KSR2: variants seen among roughly 807,000 people sequenced by gnomAD.
The protein encoded by KSR2 is kinase suppressor of ras 2.
In KSR2, 25 loss-of-function variants were observed where a neutral mutation model predicts 107.8. The observed-to-expected ratio is 0.23, with a 90% confidence interval of 0.17 to 0.32. The LOEUF (loss-of-function observed/expected upper bound fraction) is 0.32. Among genes scored for constraint, KSR2 ranks in the 10% least tolerant of loss-of-function variants. The probability of loss-of-function intolerance (pLI) is 1.00; values close to 1 mark genes in which losing one functional copy is unlikely to be tolerated. For missense variants in KSR2, 887 were observed against 1,268.9 expected (o/e 0.70, Z 4.57); for synonymous variants, 480 against 507.0 (o/e 0.95, Z 0.71).
intron 5 of KSR2, among the ~76,000 whole-genome samples, chr12:117,639,657 T>TATA (rs1565939365): frequency 8.5e-6 from 1 of 117,310 alleles, no homozygotes; most frequent in East Asian, 2.1e-4. Flanking sequence ...TTATTATTAT[T>TATA]ATATTATTTT....
intron 4 of KSR2, chr12:117,677,116 G>A (rs1565956465): frequency 6.6e-6 from 1 of 152,184 alleles, no homozygotes; most frequent in Non-Finnish European, 1.5e-5. Flanking sequence ...GAGAAAAGGT[G>A]TGCAAGGAAT....
At chr12:117,925,379 C>G (rs963217683) in intron 1 of KSR2, among the ~76,000 whole-genome samples, 2 of 152,162 alleles carry the variant, frequency 1.3e-5, no homozygotes, top group African/African-American at 4.8e-5. Flanking sequence ...CCACCTCAGC[C>G]TCCCAAACTG....
intron 5 of KSR2, among the ~76,000 whole-genome samples, chr12:117,604,618 T>A (rs544411113): frequency 1.6e-4 from 25 of 152,272 alleles, no homozygotes; most frequent in Non-Finnish European, 3.5e-4. Flanking sequence ...AGGGGGATCC[T>A]CTCCATCTAC....
intron 4 of KSR2, among the ~76,000 whole-genome samples, chr12:117,710,649 A>T (rs1195775229): frequency 6.6e-6 from 1 of 152,196 alleles, no homozygotes; most frequent in Non-Finnish European, 1.5e-5. Flanking sequence ...CAGTTTCTTC[A>T]TCGGTGCCTT....
intron 4 of KSR2, among the ~76,000 whole-genome samples, chr12:117,729,208 A>C (rs1441923865): frequency 6.6e-6 from 1 of 151,620 alleles, no homozygotes; most frequent in African/African-American, 2.4e-5. Flanking sequence ...CCTAACATTG[A>C]GGGTGATGCT....
rs560192323 is a variant in KSR2, at chr12:117,852,457, G to A, written c.472+2971C>T. ...ATAAATAAATAAATAAATAAAAATC[G>A]GAGCACCAGAACTTTCATGGTCTCG... On this transcript the variant is annotated intron_variant, in intron 3 of 19. Coordinates refer to ENST00000339824, the MANE Select transcript of KSR2 (RefSeq NM_173598.6). Among the ~76,000 whole-genome samples the A allele has an allele frequency of 1.3e-4, 20 of 151,822 alleles. No homozygotes were observed. The South Asian group carries it at 1.7e-3, about 13-fold the overall frequency.
At chr12:117,630,828 A>G (rs1882768269) in intron 5 of KSR2, among the ~76,000 whole-genome samples, 1 of 152,120 alleles carries the variant, frequency 6.6e-6, no homozygotes, top group Non-Finnish European at 1.5e-5. Context: ...TGATGGGTAG[A>G]GAAACTGGGG....
intron 2 of KSR2, among the ~76,000 whole-genome samples, chr12:117,857,012 T>C (rs1893126437): frequency 6.6e-6 from 1 of 152,144 alleles, no homozygotes; most frequent in Non-Finnish European, 1.5e-5. Flanking sequence ...ACATTGCTGG[T>C]GAGCCCCTTT....
At chr12:117,892,266 T>G (rs1213483405) in intron 1 of KSR2, among the ~76,000 whole-genome samples, 1 of 152,200 alleles carries the variant, frequency 6.6e-6, no homozygotes, top group African/African-American at 2.4e-5. Context: ...ATCGCGCCAC[T>G]GCACTCCAGT....
chr12:117,911,199 CTCAA>C (rs1247693496), intron 1 of KSR2, among the ~76,000 whole-genome samples: 27 of 151,834 alleles, frequency 1.8e-4, no homozygotes, highest in African/African-American at 6.3e-4. Context: ...CACACACACA[CTCAA>C]GAAACAAGAA....
chr12:117,455,351 G>A lies in KSR2; in HGVS notation c.*11848C>T, dbSNP rs1169256980. 2 of 152,286 alleles carry A rather than the reference G, an allele frequency of 1.3e-5. No homozygotes were observed. The highest frequency in any genetic ancestry group is 6.5e-5 in the Admixed American group (1 of 15,288). 9.4% of individuals were successfully genotyped at this position (152,286 alleles called of 1,614,324 possible). ...GGGGGCAGGATTTTAGCCACTTGCA[G>A]TTACCCTCAATAAATCATGATCTTG... On this transcript the variant is annotated 3_prime_UTR_variant, in exon 20 of 20. Transcript: ENST00000339824.
In KSR2 at chr12:117,587,559, A is replaced by G. The variant is rs189034585; in HGVS notation, c.1172-5200T>C. Among the ~76,000 whole-genome samples, 8 of 152,310 alleles carry G rather than the reference A, an allele frequency of 5.3e-5. No homozygotes were observed. In the East Asian group the frequency reaches 1.2e-3, roughly 22 times the overall value. ...TTCTGACCTCCAGAACTGTAAGATA[A>G]TAAATCTGTGTTGTTTTCAGCCGCT... On this transcript the variant is annotated intron_variant, in intron 5 of 19. Coordinates refer to ENST00000339824, the MANE Select transcript of KSR2 (RefSeq NM_173598.6).
intron 5 of KSR2, among the ~76,000 whole-genome samples, chr12:117,606,314 T>C (rs1881226832): frequency 7.7e-6 from 1 of 129,350 alleles, no homozygotes; most frequent in East Asian, 2.8e-4. Flanking sequence ...TCTTCCTTCC[T>C]TCCCTACTTT....
intron 14 of KSR2, among the ~76,000 whole-genome samples, chr12:117,502,642 C>G (rs573366091): frequency 3.3e-5 from 5 of 151,988 alleles, no homozygotes; most frequent in Non-Finnish European, 7.4e-5. Context: ...ACTGTGTATG[C>G]TTTAAGTGAC....
intron 1 of KSR2, among the ~76,000 whole-genome samples, chr12:117,946,259 G>A (rs1342914899): frequency 3.3e-5 from 5 of 151,938 alleles, no homozygotes; most frequent in Non-Finnish European, 1.5e-5. Context: ...TGAAATTGAA[G>A]ACAGAAAAAC....
intron 4 of KSR2, among the ~76,000 whole-genome samples, chr12:117,740,033 A>G (rs996498159): frequency 6.6e-6 from 1 of 151,812 alleles, no homozygotes; most frequent in Non-Finnish European, 1.5e-5. Context: ...CCATCACCCA[A>G]CAGTATACAC....
At chr12:117,666,144 C>T (rs1884649545) in intron 5 of KSR2, among the ~76,000 whole-genome samples, 1 of 152,186 alleles carries the variant, frequency 6.6e-6, no homozygotes, top group Non-Finnish European at 1.5e-5. Context: ...TCTGGACCGA[C>T]TCCTAACTGA....
chr12:117,749,488 T>C (rs1208417884), intron 4 of KSR2, among the ~76,000 whole-genome samples: 1 of 151,382 alleles, frequency 6.6e-6, no homozygotes, highest in Non-Finnish European at 1.5e-5. Context: ...AGGAAAAAAA[T>C]CTCACCGTCA....
chr12:117,720,861 C>T (rs1030249021), intron 4 of KSR2, among the ~76,000 whole-genome samples: 1 of 152,076 alleles, frequency 6.6e-6, no homozygotes. Flanking sequence ...GAAAGGAACA[C>T]AAAGAAGAGG....
Sources: gnomAD v4.1 joint callset for allele counts (sites outside exome capture counted in the v4.1 genomes callset) on GRCh38, gnomAD v4.1.1 for gene constraint, MANE v1.5 for transcripts, NCBI Gene and HGNC (gene_info 2026-07-23, HGNC 2026-07-21) for gene names.